The following MGAT5 variants were observed in gnomAD, a reference collection of about 807,000 sequenced individuals.
MGAT5 encodes alpha-1,6-mannosylglycoprotein 6-beta-N-acetylglucosaminyltransferase A.
MGAT5 carries 30 observed loss-of-function variants against 94.3 expected under a neutral mutation model. The observed-to-expected ratio is 0.32, with a 90% CI of 0.24 to 0.43. The LOEUF is 0.43. Ranked by LOEUF, MGAT5 falls within the 20% of genes least tolerant of loss-of-function variation. MGAT5 has a pLI of 1.00. For missense variants in MGAT5, 691 were observed against 905.5 expected, an observed-to-expected ratio of 0.76 and a Z score of 3.04; for synonymous variants, 310 against 322.9, an observed-to-expected ratio of 0.96 and a Z score of 0.43.
chr2:134,295,767 AC>A (rs1186444699), intron 2 of MGAT5, among the ~76,000 whole-genome samples: 1 of 152,172 alleles, frequency 6.6e-6, no homozygotes. Context: ...CTTGAATTAT[AC>A]CAAGTTGCAG....
At chr2:134,384,946 G>C (rs1302378887) in intron 10 of MGAT5, among the ~76,000 whole-genome samples, 1 of 152,256 alleles carries the variant, frequency 6.6e-6, no homozygotes, top group Middle Eastern at 3.4e-3. Context: ...GAGAAAGAAG[G>C]GTAAGATGCA....
At chr2:134,146,008 T>G (rs1434591510) in intron 1 of MGAT5, among the ~76,000 whole-genome samples, 2 of 152,220 alleles carry the variant, frequency 1.3e-5, no homozygotes, top group Admixed American at 6.5e-5. Context: ...TAGCCTGGTC[T>G]TTTCTCTGTG....
intron 9 of MGAT5, among the ~76,000 whole-genome samples, chr2:134,361,318 C>T (rs373384502): frequency 4.6e-5 from 7 of 152,332 alleles, no homozygotes; most frequent in African/African-American, 1.7e-4. Flanking sequence ...AGGTCAGAGC[C>T]AAGCAGAGCA....
intron 1 of MGAT5, among the ~76,000 whole-genome samples, chr2:134,151,112 AG>A (rs1200034065): frequency 6.6e-6 from 1 of 152,100 alleles, no homozygotes; most frequent in African/African-American, 2.4e-5. Flanking sequence ...CAGCCCATAG[AG>A]GTGAGTGAGT....
At chr2:134,247,068 A>G (rs1682313238) in intron 1 of MGAT5, among the ~76,000 whole-genome samples, 2 of 152,238 alleles carry the variant, frequency 1.3e-5, no homozygotes, top group Non-Finnish European at 2.9e-5. Flanking sequence ...CGGTAGAAGC[A>G]GTCCATATTC....
intron 1 of MGAT5, among the ~76,000 whole-genome samples, chr2:134,184,573 C>T (rs113575611): frequency 7.9e-5 from 12 of 152,284 alleles, no homozygotes; most frequent in African/African-American, 2.4e-4. Flanking sequence ...TGTGTTCTTG[C>T]GATACTGTGT....
intron 1 of MGAT5, among the ~76,000 whole-genome samples, chr2:134,266,369 C>T (rs898889015): frequency 1.4e-4 from 22 of 152,022 alleles, no homozygotes; most frequent in African/African-American, 3.1e-4. Flanking sequence ...TACAGGCACA[C>T]GCCACCATGC....
intron 8 of MGAT5, among the ~76,000 whole-genome samples, chr2:134,348,276 G>C (rs999075024): frequency 2.6e-5 from 4 of 152,094 alleles, no homozygotes; most frequent in Non-Finnish European, 4.4e-5. Context: ...TATCGGCCAC[G>C]AGGCCAATGA....
intron 1 of MGAT5, among the ~76,000 whole-genome samples, chr2:134,189,602 G>GTTTTTTTTTTTTTTGTTT (rs1689243626): frequency 1.2e-5 from 1 of 84,672 alleles, no homozygotes; most frequent in East Asian, 3.3e-4. Flanking sequence ...GTTTTTTTTT[G>GTTTTTTTTTTTTTTGTTT]TTTTTTTTTT....
intron 4 of MGAT5, among the ~76,000 whole-genome samples, chr2:134,320,256 G>T (rs146303802): frequency 1.3e-4 from 20 of 152,168 alleles, no homozygotes; most frequent in African/African-American, 4.8e-4. Flanking sequence ...GAAGAGATGC[G>T]TAAGGCTAGG....
intron 1 of MGAT5, among the ~76,000 whole-genome samples, chr2:134,129,987 C>T (rs534854659): frequency 1.2e-4 from 18 of 152,310 alleles, no homozygotes; most frequent in African/African-American, 3.4e-4. Flanking sequence ...CACAGGCCAG[C>T]GCAAGTTCCA....
intron 1 of MGAT5, among the ~76,000 whole-genome samples, chr2:134,258,972 CAAT>C (rs1317950546): frequency 3.3e-5 from 5 of 152,204 alleles, no homozygotes; most frequent in Non-Finnish European, 5.9e-5. Flanking sequence ...AGTACTCAAA[CAAT>C]AATAGAACTT....
At chr2:134,224,418 C>T (rs191894991) in intron 1 of MGAT5, among the ~76,000 whole-genome samples, 2 of 152,252 alleles carry the variant, frequency 1.3e-5, no homozygotes, top group East Asian at 1.9e-4. Context: ...CAATGAAACA[C>T]CTAAAATGTT....
intron 9 of MGAT5, among the ~76,000 whole-genome samples, chr2:134,353,541 G>A (rs1242315488): frequency 6.6e-6 from 1 of 152,180 alleles, no homozygotes; most frequent in East Asian, 1.9e-4. Flanking sequence ...CCTCATTACT[G>A]TAAAAAGTAA....
rs138974633 is a variant in MGAT5, at chr2:134,230,397, A to G, written c.-142-23865A>G. 3.0e-4 allele frequency among the ~76,000 whole-genome samples: 46 copies of G among 152,266 alleles called. 1 individual carries two copies. In the Middle Eastern group the frequency reaches 0.01, roughly 34 times the overall value. On this transcript the variant is annotated intron_variant, in intron 1 of 16. Coordinates refer to the MGAT5 transcript ENST00000409645. ...CTGGGGGTTGGGGACCCCTGTGTTA[A>G]AGGATACCAAATTACAGCTAGATAG...
At chr2:134,430,323 C>A (rs1684813966) in intron 14 of MGAT5, among the ~76,000 whole-genome samples, 1 of 152,218 alleles carries the variant, frequency 6.6e-6, no homozygotes, top group Non-Finnish European at 1.5e-5. Flanking sequence ...TCAGGAATTC[C>A]AGCCAGTCTT....
chr2:134,160,565 CG>C (rs1200222482), intron 1 of MGAT5, among the ~76,000 whole-genome samples: 2 of 152,130 alleles, frequency 1.3e-5, no homozygotes, highest in East Asian at 3.9e-4. Flanking sequence ...GGATTGGGTG[CG>C]GGTATTGTAT....
At chr2:134,332,230 C>A (rs1341314827) in intron 4 of MGAT5, among the ~76,000 whole-genome samples, 1 of 151,952 alleles carries the variant, frequency 6.6e-6, no homozygotes, top group African/African-American at 2.4e-5. Context: ...GTACTGGTAC[C>A]AAAACAGAGA....
chr2:134,414,159 G>GT (rs375398911), intron 12 of MGAT5, among the ~76,000 whole-genome samples: 17 of 138,186 alleles, frequency 1.2e-4, no homozygotes, highest in East Asian at 1.0e-3. Context: ...GTGTGTGTGT[G>GT]GTTTTTTTTT....
Sources: allele counts gnomAD v4.1 joint callset (sites outside exome capture counted in the v4.1 genomes callset), GRCh38; gene constraint gnomAD v4.1.1; transcripts MANE v1.5; gene names NCBI Gene and HGNC (gene_info 2026-07-23, HGNC 2026-07-21).